The following TSPOAP1 variants were observed in gnomAD, a reference collection of about 807,000 sequenced individuals.
TSPOAP1 encodes the protein peripheral-type benzodiazepine receptor-associated protein 1.
A neutral mutation model predicts 197.0 loss-of-function variants in TSPOAP1; 87 were observed. That is an observed-to-expected ratio of 0.44 (90% CI 0.37 to 0.53). The LOEUF (loss-of-function observed/expected upper bound fraction) is 0.53, where lower values mean the gene tolerates loss of function less well. Ranked by LOEUF, TSPOAP1 falls within the 20% of genes least tolerant of loss-of-function variation. The probability of loss-of-function intolerance (pLI) is 0.00; values close to 1 mark genes in which losing one functional copy is unlikely to be tolerated. For missense variants in TSPOAP1, 2,174 were observed against 2,411.3 expected, an observed-to-expected ratio of 0.90 and a Z score of 2.06; for synonymous variants, 913 against 998.9, an observed-to-expected ratio of 0.91 and a Z score of 1.62.
chr17:58,305,021 A>G, intron 30 of TSPOAP1, 40 bp downstream of exon 30: 2 of 1,500,928 alleles, frequency 1.3e-6, no homozygotes, highest in Non-Finnish European at 1.9e-6. Flanking sequence ...CCAGTAGGGT[A>G]GACTGCCCTG....
rs1026363955 is a variant in TSPOAP1 at position 58,326,592 on chromosome 17, C to T, written c.441+91G>A. ...GATTTTGTCACCTCCATTGAGCCCC[C>T]ACTTGGAAAGATGTTCATGGGGTGA... On this transcript the variant is annotated intron_variant, in intron 2 of 31. Coordinates refer to ENST00000343736, the MANE Select transcript of TSPOAP1 (RefSeq NM_004758.4). This position sits in a 1 kb window ranked among gnomAD's most constrained non-coding sequence, Gnocchi z 4.7. 1 of 1,542,696 alleles carries T rather than the reference C, an allele frequency of 6.5e-7. No individual in the cohort carries two copies. The highest frequency in any genetic ancestry group is 1.4e-5 in the African/African-American group (1 of 73,154).
chr17:58,306,240 A>G, intron 26 of TSPOAP1, 102 bp downstream of exon 26: 1 of 1,229,278 alleles, frequency 8.1e-7, no homozygotes, highest in South Asian at 1.3e-5. Flanking sequence ...CCACCAGCAC[A>G]CACATCCTCC....
rs77972524 is a variant in TSPOAP1, at chr17:58,322,759, C to T, written c.1212G>A (p.Ala404=). 8.6e-4 allele frequency: 1,393 copies of T among 1,612,954 alleles called. 17 individuals are homozygous for T. The Admixed American group carries it at 0.013, about 16-fold the overall frequency. Residue 404 remains alanine (A), a synonymous_variant, in exon 9 of 32, where the codon GCG becomes GCA. Coordinates refer to ENST00000343736, the MANE Select transcript of TSPOAP1 (RefSeq NM_004758.4). The surrounding 1 kb of genome is among the most constrained non-coding windows in gnomAD (Gnocchi z 5.0). The part of the protein sequence containing the change: ...TEKEQVEWEN[A]ELRGQLLGVT... ...CCCCCAGGAGCTGGCCCCTCAGCTC[C>T]GCATTCTCCCACTCCACCTGGCGAG...
At chr17:58,321,983 T>G (rs1038874018) in intron 10 of TSPOAP1, 2 of 312,452 alleles carry the variant, frequency 6.4e-6, no homozygotes, top group Non-Finnish European at 1.2e-5. Flanking sequence ...CCACAGAGCA[T>G]GTGCATGTCT....
Position 58,305,872 on chromosome 17 carries a change from A to G in TSPOAP1, c.5225-7T>C. Reference sequence around the variant, plus strand: ...GCAGGGCCTTCCGACTCAGCTGTGGAAAGAATGTGCCTGTGAGCCCCCTCC... The same window carrying G: ...GCAGGGCCTTCCGACTCAGCTGTGGGAAGAATGTGCCTGTGAGCCCCCTCC... On this transcript the variant is annotated splice_polypyrimidine_tract_variant and splice_region_variant and intron_variant, in intron 26 of 31. Transcript: ENST00000343736. The G allele has an allele frequency of 6.2e-7, 1 of 1,612,230 alleles. No individual in the cohort carries two copies. The highest frequency in any genetic ancestry group is 8.5e-7 in the Non-Finnish European group (1 of 1,179,676).
In TSPOAP1 at chr17:58,311,898, G is replaced by C; in HGVS notation, c.2923C>G (p.Pro975Ala). The change falls in exon 17 of 32, where the codon CCA (proline) becomes GCA (alanine). Residue 975 changes from proline to alanine, a missense_variant. Around this residue, in one of 5 missense-constraint regions of TSPOAP1, gnomAD observed 1,933 missense variants for 2,139.0 expected, o/e 0.90. Coordinates refer to ENST00000343736, the MANE Select transcript of TSPOAP1 (RefSeq NM_004758.4). ...RAATLQFTTL[P>A]AGPPDAPLDV... ...AGGGCCCAAGCCCACATACCTGCTG[G>C]GAGTGTGGTGAACTGCAGGGTGGCA... is the stretch of plus-strand genomic sequence containing the variant. 6.5e-7 allele frequency: 1 copy of C among 1,545,776 alleles called. No individual in the cohort carries two copies. Among genetic ancestry groups the C allele is most frequent in the Non-Finnish European group, 8.7e-7 (1 of 1,146,214 alleles).
At chr17:58,320,668 G>A in intron 10 of TSPOAP1, 87 bp from the exon 11 acceptor site, 1 of 1,077,312 alleles carries the variant, frequency 9.3e-7, no homozygotes, top group Non-Finnish European at 1.2e-6. Flanking sequence ...AGGGTAGAAA[G>A]GACAGAGGCA....
chr17:58,305,697 T>G, intron 27 of TSPOAP1, 54 bp from the exon 28 acceptor site: 1 of 1,370,552 alleles, frequency 7.3e-7, no homozygotes, highest in Non-Finnish European at 1.0e-6. Context: ...CTACACCCCA[T>G]CCTGTCTTCT....
rs936061764 is a variant in TSPOAP1 at position 58,322,610 on chromosome 17, A to G, written c.1317+44T>C. 6.2e-7 allele frequency: 1 copy of G among 1,600,400 alleles called. No individual in the cohort carries two copies. Among genetic ancestry groups the G allele is most frequent in the Non-Finnish European group, 8.5e-7 (1 of 1,177,184 alleles). On this transcript the variant is annotated intron_variant, in intron 9 of 31. Coordinates refer to ENST00000343736, the MANE Select transcript of TSPOAP1 (RefSeq NM_004758.4). This position sits in a 1 kb window ranked among gnomAD's most constrained non-coding sequence, Gnocchi z 5.0. The stretch of plus-strand genomic sequence containing the variant: ...TATTCTGCTGTCCCACTTGCTCCCC[A>G]TGCCAGGGCCCAGCACCCTCTCCCA...
chr17:58,324,827 G>T lies in TSPOAP1; in HGVS notation c.926C>A (p.Pro309His). 6.8e-7 allele frequency: 1 copy of T among 1,470,446 alleles called. No homozygotes were observed. Among genetic ancestry groups the T allele is most frequent in the Non-Finnish European group, 9.0e-7 (1 of 1,115,160 alleles). The allele number at this position is 1,470,446 out of a possible 1,614,324, so 91.1% of individuals were successfully genotyped here. A position where few individuals can be genotyped will look rare whatever the true frequency, so the allele number is the denominator to read the frequency against. ...GGCGCTCACCTCTCCCGGGGCCCCG[G>T]GAGCAGGCGCCCCTGCTCTGGCCTG... ...ALQARAGAPA[P>H]GAPGEATPQE... is the part of the protein sequence containing the mutation. Residue 309 changes from proline (P) to histidine (H), a missense_variant, in exon 5 of 32, where the codon CCC becomes CAC. This residue lies in a region of TSPOAP1 where 1,933 missense variants were observed against 2,139.0 expected (regional missense o/e 0.90). Coordinates refer to ENST00000343736, the MANE Select transcript of TSPOAP1 (RefSeq NM_004758.4). This position sits in a 1 kb window ranked among gnomAD's most constrained non-coding sequence, Gnocchi z 5.8.
intron 11 of TSPOAP1, 43 bp from the exon 12 acceptor site, chr17:58,320,172 C>T (rs376932560): frequency 5.0e-5 from 80 of 1,613,482 alleles, no homozygotes; most frequent in Middle Eastern, 1.6e-4. Context: ...GAACCCTGAG[C>T]GCTGTGGGTT....
chr17:58,314,842 A>T (rs895558521), intron 16 of TSPOAP1, among the ~76,000 whole-genome samples: 1 of 152,250 alleles, frequency 6.6e-6, no homozygotes, highest in Non-Finnish European at 1.5e-5. Context: ...ATGCTCCAGA[A>T]GCCCATGCAG....
Position 58,312,691 on chromosome 17 carries a change from G to T in TSPOAP1, c.2130C>A (p.Val710=). The T allele has an allele frequency of 6.2e-7, 1 of 1,613,602 alleles. No individual in the cohort carries two copies. The highest frequency in any genetic ancestry group is 8.5e-7 in the Non-Finnish European group (1 of 1,180,010). ...GELMDGRRGL[V]PSNFVERVSD... ...ACACACGCTCTACAAAATTGGAAGG[G>T]ACCAGGCCCCTTCGGCCATCCATGA... The change falls in exon 17 of 32, where the codon GTC becomes GTA. Residue 710 remains valine (V), a synonymous_variant. Coordinates refer to ENST00000343736, the MANE Select transcript of TSPOAP1 (RefSeq NM_004758.4).
chr17:58,308,521 G>C lies in TSPOAP1; in HGVS notation c.4731+20C>G. 2 of 1,507,722 alleles carry C rather than the reference G, an allele frequency of 1.3e-6. No homozygotes were observed. The highest frequency in any genetic ancestry group is 1.8e-6 in the Non-Finnish European group (2 of 1,129,536). 93.4% of individuals were successfully genotyped at this position (1,507,722 alleles called of 1,614,324 possible). ...GTGGCAGCAGGCAGGGGCTGCCCAG[G>C]GCGGGGAGTGAGCACGGACCCGGGA... On this transcript the variant is annotated intron_variant, in intron 22 of 31. Transcript: ENST00000343736.
intron 13 of TSPOAP1, among the ~76,000 whole-genome samples, chr17:58,318,765 C>A (rs544281612): frequency 1.3e-4 from 20 of 152,132 alleles, no homozygotes; most frequent in African/African-American, 4.6e-4. Context: ...CTGGGACCAC[C>A]GGATCCGACT....
At position 58,328,034 on chromosome 17, in the gene TSPOAP1, C is replaced by T. The variant is rs1055261223; in HGVS notation, c.-114G>A. On this transcript the variant is annotated 5_prime_UTR_variant, in exon 1 of 32. Transcript: ENST00000343736. This position sits in a 1 kb window ranked among gnomAD's most constrained non-coding sequence, Gnocchi z 4.3. ...TCTCCCCTCTGAGCTCTTGCTTCAC[C>T]GACGCTCCATCCAAGGTTGGCTGAG... The T allele has an allele frequency of 4.5e-5, 44 of 967,054 alleles. No homozygotes were observed. Among genetic ancestry groups the T allele is most frequent in the Non-Finnish European group, 5.8e-5 (39 of 671,622 alleles). The allele number at this position is 967,054 out of a possible 1,614,324, so 59.9% of individuals were successfully genotyped here. A position where few individuals can be genotyped will look rare whatever the true frequency, so the allele number is the denominator to read the frequency against.
At chr17:58,320,196 G>T in intron 11 of TSPOAP1, 67 bp from the exon 12 acceptor site, 1 of 1,595,354 alleles carries the variant, frequency 6.3e-7, no homozygotes, top group South Asian at 1.1e-5. Flanking sequence ...AACCCAGAGA[G>T]GGAGGCGGAG....
Position 58,310,080 on chromosome 17 carries a change from T to G in TSPOAP1, c.3778A>C (p.Ile1260Leu). ...DHGRNSDLSD[I>L]QEEEEEEEEE... The stretch of plus-strand genomic sequence containing the variant: ...TCCTCCTCTTCCTCTTCCTCCTGGA[T>G]GTCTGACAGGTCTGAGTTGCGGCCG... Residue 1260 changes from isoleucine (I) to leucine (L), a missense_variant, in exon 21 of 32, where the codon ATC becomes CTC. By Grantham distance (5) the Ile-to-Leu change is conservative. Transcript: ENST00000343736. 1 of 1,613,486 alleles carries G rather than the reference T, an allele frequency of 6.2e-7. No homozygotes were observed. The highest frequency in any genetic ancestry group is 8.5e-7 in the Non-Finnish European group (1 of 1,180,016).
At chr17:58,303,854 GA>G in intron 31 of TSPOAP1, 1 of 152,580 alleles carries the variant, frequency 6.6e-6, no homozygotes, top group South Asian at 2.1e-4. Context: ...CTGAGAGTTG[GA>G]GGTAAATCAT....
Sources: gnomAD v4.1 joint callset for allele counts (sites outside exome capture counted in the v4.1 genomes callset) on GRCh38, gnomAD v4.1.1 for gene constraint, gnomAD v4.1.1 regional missense constraint, Gnocchi (gnomAD v3.1) non-coding constraint, MANE v1.5 for transcripts, NCBI Gene and HGNC (gene_info 2026-07-23, HGNC 2026-07-21) for gene names.